The following UBE2E2 variants were observed in gnomAD, a reference collection of about 807,000 sequenced individuals.
UBE2E2 encodes the protein ubiquitin conjugating enzyme E2 E2.
UBE2E2 carries 6 observed loss-of-function variants against 24.7 expected under a neutral mutation model. The ratio of observed to expected loss-of-function variants is 0.24; its 90% CI spans 0.13 to 0.48. The LOEUF (loss-of-function observed/expected upper bound fraction) is 0.48. Ranked by LOEUF, UBE2E2 falls within the 20% of genes least tolerant of loss-of-function variation. The probability of loss-of-function intolerance (pLI) is 0.99; values close to 1 mark genes in which losing one functional copy is unlikely to be tolerated. For synonymous variants in UBE2E2, 104 were observed against 83.6 expected (o/e 1.24, Z -1.33); for missense variants, 169 against 245.0 (o/e 0.69, Z 2.07).
intron 3 of UBE2E2, among the ~76,000 whole-genome samples, chr3:23,371,845 C>T (rs1696407274): frequency 6.6e-6 from 1 of 152,064 alleles, no homozygotes; most frequent in South Asian, 2.1e-4. Context: ...AGACTGGGCA[C>T]CGTGGCTTAT....
intron 3 of UBE2E2, among the ~76,000 whole-genome samples, chr3:23,315,302 C>A (rs1012590829): frequency 1.1e-5 from 1 of 88,928 alleles, no homozygotes; most frequent in South Asian, 3.4e-4. Flanking sequence ...AGGTGTGCTT[C>A]ATTTTTTTTT....
chr3:23,210,370 G>A (rs1696286622), intron 2 of UBE2E2, among the ~76,000 whole-genome samples: 1 of 152,164 alleles, frequency 6.6e-6, no homozygotes, highest in South Asian at 2.1e-4. Flanking sequence ...TTGCTAGTTA[G>A]CAAAGTCACC....
At chr3:23,418,934 G>C (rs1697721513) in intron 3 of UBE2E2, among the ~76,000 whole-genome samples, 1 of 149,478 alleles carries the variant, frequency 6.7e-6, no homozygotes, top group Admixed American at 6.7e-5. Context: ...CAGTCTTTCT[G>C]ATTTTTCTTT....
At chr3:23,208,619 G>T (rs1472283702) in intron 1 of UBE2E2, 73 bp from the exon 2 acceptor site, 6 of 1,190,054 alleles carry the variant, frequency 5.0e-6, no homozygotes, top group South Asian at 2.3e-5. Flanking sequence ...TTACTTTGAG[G>T]CTCATTCTCT....
At chr3:23,321,646 G>T (rs1261687992) in intron 3 of UBE2E2, among the ~76,000 whole-genome samples, 3 of 148,316 alleles carry the variant, frequency 2.0e-5, no homozygotes, top group African/African-American at 7.5e-5. Flanking sequence ...GGGAATGGGG[G>T]TAGTCTCTTA....
Position 23,498,287 on chromosome 3 carries a change from C to T in UBE2E2, c.228-1321C>T, listed in dbSNP as rs563406349. On this transcript the variant is annotated intron_variant, in intron 3 of 5. Transcript: ENST00000396703. The stretch of plus-strand genomic sequence containing the variant: ...TAAATATTTAATCCATCTGCAACAG[C>T]ATTTGTTTATTTACTGAGGGTAAAA... 2.0e-5 allele frequency among the ~76,000 whole-genome samples: 3 copies of T among 152,246 alleles called. No individual in the cohort carries two copies. The East Asian group carries it at 5.8e-4, about 29-fold the overall frequency.
chr3:23,547,853 CCCTAAGGAGGT>C (rs2125496694), intron 5 of UBE2E2, among the ~76,000 whole-genome samples: 1 of 152,272 alleles, frequency 6.6e-6, no homozygotes, highest in East Asian at 1.9e-4. Context: ...ACCCACCCAG[CCCTAAGGAGGT>C]CCCAGTGAGG....
chr3:23,243,636 C>G (rs969242048), intron 3 of UBE2E2, among the ~76,000 whole-genome samples: 1 of 152,102 alleles, frequency 6.6e-6, no homozygotes, highest in African/African-American at 2.4e-5. Context: ...CAGCCATAAT[C>G]ATTTTGGCAA....
intron 3 of UBE2E2, among the ~76,000 whole-genome samples, chr3:23,431,574 A>G (rs932336133): frequency 1.3e-5 from 2 of 152,172 alleles, no homozygotes; most frequent in African/African-American, 2.4e-5. Flanking sequence ...CTTTTCTTAG[A>G]TAACATTTTA....
chr3:23,320,415 C>T (rs1438252312), intron 3 of UBE2E2, among the ~76,000 whole-genome samples: 1 of 152,174 alleles, frequency 6.6e-6, no homozygotes, highest in Non-Finnish European at 1.5e-5. Context: ...ATACCATACA[C>T]TTCATTCAAA....
intron 3 of UBE2E2, among the ~76,000 whole-genome samples, chr3:23,318,332 A>G (rs1234656941): frequency 6.6e-6 from 1 of 152,160 alleles, no homozygotes; most frequent in Non-Finnish European, 1.5e-5. Context: ...CTTTCATTAA[A>G]TGGAAGCCAA....
chr3:23,267,671 T>C (rs1453688102), intron 3 of UBE2E2, among the ~76,000 whole-genome samples: 1 of 151,740 alleles, frequency 6.6e-6, no homozygotes, highest in African/African-American at 2.4e-5. Context: ...TTCCAATCAA[T>C]AGAAAAAGAG....
intron 5 of UBE2E2, among the ~76,000 whole-genome samples, chr3:23,551,575 A>G (rs1180206027): frequency 6.6e-6 from 1 of 152,244 alleles, no homozygotes; most frequent in Non-Finnish European, 1.5e-5. Context: ...AGTGGGAAGT[A>G]AGAGAATCAC....
At chr3:23,434,806 C>A (rs1698146958) in intron 3 of UBE2E2, among the ~76,000 whole-genome samples, 1 of 152,132 alleles carries the variant, frequency 6.6e-6, no homozygotes, top group African/African-American at 2.4e-5. Context: ...TTATTAGCTC[C>A]AATTTTCCCC....
At chr3:23,472,767 C>T (rs938791675) in intron 3 of UBE2E2, among the ~76,000 whole-genome samples, 1 of 151,740 alleles carries the variant, frequency 6.6e-6, no homozygotes, top group East Asian at 1.9e-4. Flanking sequence ...ACCTCAGCCT[C>T]CTGAGTAGCT....
At chr3:23,418,312 A>T (rs896132871) in intron 3 of UBE2E2, among the ~76,000 whole-genome samples, 3 of 152,156 alleles carry the variant, frequency 2.0e-5, no homozygotes, top group African/African-American at 7.2e-5. Context: ...TAGGGGAGCG[A>T]GTTCCTGGAC....
At chr3:23,577,444 C>CGTG (rs974389716) in intron 5 of UBE2E2, among the ~76,000 whole-genome samples, 1 of 151,934 alleles carries the variant, frequency 6.6e-6, no homozygotes, top group African/African-American at 2.4e-5. Flanking sequence ...AGCATAAGGC[C>CGTG]GTAACTCTCT....
rs376504571 is a variant in UBE2E2 at position 23,558,578 on chromosome 3, A to T, written c.508+25877A>T. Among the ~76,000 whole-genome samples the T allele has an allele frequency of 2.6e-4, 39 of 152,256 alleles. 1 individual carries two copies. The East Asian group carries it at 5.8e-3, about 23-fold the overall frequency. Reference sequence around the variant, plus strand: ...TTTTTCTGAAATAAAGACTCTCTTCATGGTTAATTTATAGAATCTTATTCT... The same window carrying T: ...TTTTTCTGAAATAAAGACTCTCTTCTTGGTTAATTTATAGAATCTTATTCT... On this transcript the variant is annotated intron_variant, in intron 5 of 5. Transcript: ENST00000396703.
intron 3 of UBE2E2, among the ~76,000 whole-genome samples, chr3:23,223,579 C>A (rs1054898794): frequency 6.6e-6 from 1 of 152,008 alleles, no homozygotes; most frequent in Non-Finnish European, 1.5e-5. Context: ...ATCCCTTGTC[C>A]CTTGTCAGAT....
Sources: gnomAD v4.1 joint callset for allele counts (sites outside exome capture counted in the v4.1 genomes callset) on GRCh38, gnomAD v4.1.1 for gene constraint, MANE v1.5 for transcripts, NCBI Gene and HGNC (gene_info 2026-07-23, HGNC 2026-07-21) for gene names.